Variants in KALRN observed in about 807,000 individuals in gnomAD.
KALRN encodes kalirin RhoGEF kinase.
Under a neutral mutation model 353.7 loss-of-function variants are expected in KALRN, and 70 were observed. The observed-to-expected ratio is 0.20, with a 90% CI of 0.16 to 0.24. The LOEUF (loss-of-function observed/expected upper bound fraction) is 0.24, where lower values mean the gene tolerates loss of function less well. KALRN is among the 10% of genes least tolerant of loss of function. KALRN has a pLI of 1.00. For missense variants in KALRN, 2,791 were observed against 3,756.7 expected (o/e 0.74, Z 6.72); for synonymous variants, 1,391 against 1,434.8 (o/e 0.97, Z 0.69).
rs200600368 is a variant in KALRN, at chr3:124,699,937, C to G, written c.7900C>G (p.Pro2634Ala). 6.2e-7 allele frequency: 1 copy of G among 1,614,070 alleles called. No individual in the cohort carries two copies. Among genetic ancestry groups the G allele is most frequent in the Admixed American group, 1.7e-5 (1 of 60,006 alleles). Residue 2634 changes from proline (P) to alanine (A), a missense_variant, in exon 56 of 60, where the codon CCC becomes GCC. By Grantham distance (27) the Pro-to-Ala change is conservative (BLOSUM62 -1). This residue lies in a region of KALRN where 1,065 missense variants were observed against 1,156.4 expected (regional missense o/e 0.92). Coordinates refer to ENST00000682506, the MANE Select transcript of KALRN (RefSeq NM_001388419.1). ...TTACCTCGTCATCGAAGACCTTAGT[C>G]CCGGGTGTCCTTATCAGTTCAGAGT... ...DTYLVIEDLS[P>A]GCPYQFRVSA...
At position 124,664,362 on chromosome 3, in the gene KALRN, T is replaced by C. The variant is rs867074917; in HGVS notation, c.6346-2087T>C. Reference sequence around the variant, plus strand: ...GTGTGTGTGTGTGTGTGTGTGTGTGTGTGTGTGTGCGCGCGCGCGCATATA... The same window carrying C: ...GTGTGTGTGTGTGTGTGTGTGTGTGCGTGTGTGTGCGCGCGCGCGCATATA... On this transcript the variant is annotated intron_variant, in intron 45 of 59. Transcript: ENST00000682506. 8.7e-3 allele frequency among the ~76,000 whole-genome samples: 1,042 copies of C among 119,992 alleles called. 5 individuals are homozygous for C. Among genetic ancestry groups the C allele is most frequent in the Middle Eastern group, 0.03 (7 of 236 alleles). The allele number at this position is 119,992 out of a possible 152,430, so 78.7% of individuals were successfully genotyped here. A position where few individuals can be genotyped will look rare whatever the true frequency, so the allele number is the denominator to read the frequency against.
At chr3:124,409,179 G>A (rs372817207) in intron 13 of KALRN, among the ~76,000 whole-genome samples, 15 of 152,196 alleles carry the variant, frequency 9.9e-5, no homozygotes, top group Non-Finnish European at 1.9e-4. Context: ...ACTAGAGCAA[G>A]TGGGGAACTG....
chr3:124,606,247 T>C (rs2149500622), intron 34 of KALRN, among the ~76,000 whole-genome samples: 1 of 152,348 alleles, frequency 6.6e-6, no homozygotes, highest in Non-Finnish European at 1.5e-5. Context: ...TTGTTCTCAT[T>C]TGGGGCATTC....
intron 13 of KALRN, among the ~76,000 whole-genome samples, chr3:124,407,057 C>G (rs2091633171): frequency 6.6e-6 from 1 of 152,040 alleles, no homozygotes; most frequent in Non-Finnish European, 1.5e-5. Flanking sequence ...TGGTCTCAAA[C>G]TCCTGACCTC....
chr3:124,252,033 T>C (rs546473848), intron 3 of KALRN, among the ~76,000 whole-genome samples: 3 of 152,258 alleles, frequency 2.0e-5, no homozygotes, highest in East Asian at 3.9e-4. Flanking sequence ...GCAGTTAGGG[T>C]TTCCCTGGGA....
intron 1 of KALRN, among the ~76,000 whole-genome samples, chr3:124,121,344 T>C (rs144246590): frequency 2.7e-4 from 41 of 152,280 alleles, no homozygotes; most frequent in African/African-American, 9.6e-4. Flanking sequence ...TAAAGAAATA[T>C]TGAATGAATA....
chr3:124,539,083 G>A (rs547578596), intron 33 of KALRN, among the ~76,000 whole-genome samples: 33 of 152,304 alleles, frequency 2.2e-4, no homozygotes, highest in African/African-American at 6.7e-4. Flanking sequence ...ATGGCTGCAC[G>A]TGCCACTCCC....
intron 3 of KALRN, among the ~76,000 whole-genome samples, chr3:124,237,122 G>T (rs1486175000): frequency 1.3e-5 from 2 of 152,226 alleles, no homozygotes; most frequent in Non-Finnish European, 2.9e-5. Flanking sequence ...GAAGTTTGGG[G>T]TAGGAAAACT....
chr3:124,553,085 C>G (rs2070753868), intron 33 of KALRN, among the ~76,000 whole-genome samples: 1 of 152,102 alleles, frequency 6.6e-6, no homozygotes, highest in Admixed American at 6.6e-5. Context: ...GATTTCTACT[C>G]CCTCGACACA....
intron 5 of KALRN, among the ~76,000 whole-genome samples, chr3:124,283,202 A>G (rs927743470): frequency 6.6e-6 from 1 of 152,350 alleles, no homozygotes; most frequent in Non-Finnish European, 1.5e-5. Flanking sequence ...CCATTTTTGC[A>G]GTAACAATAA....
chr3:124,211,213 A>T (rs1018196882), intron 1 of KALRN, among the ~76,000 whole-genome samples: 1 of 152,216 alleles, frequency 6.6e-6, no homozygotes, highest in African/African-American at 2.4e-5. Flanking sequence ...ACATAGTCTC[A>T]GCTAATTCTC....
intron 47 of KALRN, among the ~76,000 whole-genome samples, chr3:124,669,918 T>C (rs975836217): frequency 4.6e-5 from 7 of 152,014 alleles, no homozygotes; most frequent in Non-Finnish European, 8.8e-5. Context: ...ACTCTGTACA[T>C]GTTCAGTACA....
At chr3:124,396,950 A>G (rs527711242) in intron 12 of KALRN, among the ~76,000 whole-genome samples, 1 of 152,348 alleles carries the variant, frequency 6.6e-6, no homozygotes, top group Non-Finnish European at 1.5e-5. Flanking sequence ...TGCTTAGTGG[A>G]CATTGACAGG....
At chr3:124,641,616 C>CCAA (rs2082044451) in intron 37 of KALRN, among the ~76,000 whole-genome samples, 1 of 152,040 alleles carries the variant, frequency 6.6e-6, no homozygotes, top group Non-Finnish European at 1.5e-5. Context: ...AAATCTAATC[C>CCAA]CAACAGAGTT....
intron 34 of KALRN, among the ~76,000 whole-genome samples, chr3:124,607,715 C>G (rs1220446594): frequency 6.6e-6 from 1 of 151,468 alleles, no homozygotes; most frequent in African/African-American, 2.4e-5. Context: ...CTCCTAGGTT[C>G]AAGTGATTCT....
intron 11 of KALRN, among the ~76,000 whole-genome samples, chr3:124,385,987 A>C (rs1016545419): frequency 6.6e-6 from 1 of 152,144 alleles, no homozygotes; most frequent in African/African-American, 2.4e-5. Context: ...AATTAAGTTG[A>C]ATTTTAATAT....
chr3:124,627,255 A>G (rs780876710), intron 34 of KALRN, among the ~76,000 whole-genome samples: 2 of 152,210 alleles, frequency 1.3e-5, no homozygotes, highest in African/African-American at 4.8e-5. Flanking sequence ...GATGAATTAC[A>G]TTGCTTCCAG....
At chr3:124,662,062 G>A (rs2084946979) in intron 45 of KALRN, 134 bp downstream of exon 45, 2 of 724,030 alleles carry the variant, frequency 2.8e-6, no homozygotes, top group Non-Finnish European at 2.5e-6. Context: ...TCCTACCCGG[G>A]CCCCTCTGGT....
chr3:124,369,001 T>G (rs906040811), intron 10 of KALRN, among the ~76,000 whole-genome samples: 2 of 151,892 alleles, frequency 1.3e-5, no homozygotes, highest in Non-Finnish European at 2.9e-5. Flanking sequence ...ATGGCAGCAG[T>G]ACAGTCCAGC....
Sources: allele counts gnomAD v4.1 joint callset (sites outside exome capture counted in the v4.1 genomes callset), GRCh38; gene constraint gnomAD v4.1.1; regional missense constraint gnomAD v4.1.1; transcripts MANE v1.5; gene names NCBI Gene and HGNC (gene_info 2026-07-23, HGNC 2026-07-21).